RXFP1: variants seen among roughly 807,000 people sequenced by gnomAD.
The protein encoded by RXFP1 is relaxin family peptide receptor 1, also known as relaxin receptor 1.
A neutral mutation model predicts 89.8 loss-of-function variants in RXFP1; 73 were observed. The ratio of observed to expected loss-of-function variants is 0.81; its 90% CI spans 0.67 to 0.99. The LOEUF is 0.99. RXFP1 is among the 50% of genes least tolerant of loss of function. The probability of loss-of-function intolerance (pLI) is 0.00; values close to 1 mark genes in which losing one functional copy is unlikely to be tolerated. For missense variants in RXFP1, 793 were observed against 895.5 expected, an observed-to-expected ratio of 0.89 and a Z score of 1.46; for synonymous variants, 277 against 305.5, an observed-to-expected ratio of 0.91 and a Z score of 0.97.
chr4:158,548,139 T>G (rs1749027863), intron 1 of RXFP1, among the ~76,000 whole-genome samples: 1 of 152,240 alleles, frequency 6.6e-6, no homozygotes, highest in Non-Finnish European at 1.5e-5. Flanking sequence ...TGCTCCTGTA[T>G]TGGGTGCACA....
chr4:158,541,931 T>C (rs1269601270), intron 1 of RXFP1, among the ~76,000 whole-genome samples: 2 of 150,674 alleles, frequency 1.3e-5, no homozygotes, highest in East Asian at 3.9e-4. Flanking sequence ...TTTGTTTTTG[T>C]TTTTTTGAGA....
chr4:158,533,577 A>G (rs564522020), intron 1 of RXFP1, among the ~76,000 whole-genome samples: 2 of 152,356 alleles, frequency 1.3e-5, no homozygotes, highest in East Asian at 1.9e-4. Context: ...AGAAACTTCT[A>G]TAGGAGAATT....
intron 1 of RXFP1, among the ~76,000 whole-genome samples, chr4:158,541,380 A>ACACACACG (rs1248381072): frequency 4.3e-4 from 66 of 151,834 alleles, no homozygotes; most frequent in African/African-American, 1.4e-3. Flanking sequence ...ACACACACAC[A>ACACACACG]CAGTGTCCAG....
At chr4:158,550,985 A>C (rs752947477) in intron 1 of RXFP1, among the ~76,000 whole-genome samples, 21 of 151,368 alleles carry the variant, frequency 1.4e-4, no homozygotes, top group Non-Finnish European at 3.0e-4. Context: ...AACATGAAGA[A>C]AAAAAAAAGC....
chr4:158,532,077 T>C (rs142111689), intron 1 of RXFP1, among the ~76,000 whole-genome samples: 1,705 of 152,210 alleles, frequency 0.011, 16 homozygotes, highest in Non-Finnish European at 0.015. Flanking sequence ...TTTCAGAATT[T>C]TCCCCCCCTC....
At chr4:158,643,999 T>G (rs1225072518) in intron 14 of RXFP1, among the ~76,000 whole-genome samples, 1 of 151,450 alleles carries the variant, frequency 6.6e-6, no homozygotes. Flanking sequence ...ATTAGTGAGG[T>G]TGAACATTTT....
At chr4:158,558,977 T>C (rs1242902135) in intron 1 of RXFP1, among the ~76,000 whole-genome samples, 1 of 152,224 alleles carries the variant, frequency 6.6e-6, no homozygotes, top group Non-Finnish European at 1.5e-5. Context: ...CACTCTTCAT[T>C]TAAACAAAGC....
intron 12 of RXFP1, among the ~76,000 whole-genome samples, chr4:158,637,752 A>G (rs7659132): frequency 0.9 from 137,126 of 152,130 alleles, 63,447 homozygotes; most frequent in East Asian, 1. Context: ...AATCCCATTC[A>G]TCTATTTCAC....
intron 2 of RXFP1, among the ~76,000 whole-genome samples, chr4:158,584,918 T>C (rs1463132348): frequency 1.3e-5 from 2 of 152,180 alleles, no homozygotes; most frequent in African/African-American, 4.8e-5. Context: ...TTAGTCTAAA[T>C]CAGAAGTTTT....
At chr4:158,568,160 A>G (rs1302225565) in intron 1 of RXFP1, among the ~76,000 whole-genome samples, 1 of 152,130 alleles carries the variant, frequency 6.6e-6, no homozygotes, top group East Asian at 1.9e-4. Context: ...GAAGGAAGAA[A>G]CTCCAAACAA....
Position 158,564,861 on chromosome 4 carries a change from A to T in RXFP1, c.50-7837A>T, listed in dbSNP as rs191519059. Among the ~76,000 whole-genome samples, 5 of 152,300 alleles carry T rather than the reference A, an allele frequency of 3.3e-5. No homozygotes were observed. In the East Asian group the frequency reaches 9.6e-4, roughly 29 times the overall value. On this transcript the variant is annotated intron_variant, in intron 1 of 17. Coordinates refer to ENST00000307765, the MANE Select transcript of RXFP1 (RefSeq NM_021634.4). ...AAGATATGGTTCCATGCTAAAAAGG[A>T]AATGCTTTTTGTTTTTTACTTTCCC...
intron 2 of RXFP1, among the ~76,000 whole-genome samples, chr4:158,579,649 A>T (rs1756943924): frequency 6.6e-6 from 1 of 152,212 alleles, no homozygotes; most frequent in South Asian, 2.1e-4. Flanking sequence ...CAGTTTGTGG[A>T]GAAGGGCCAT....
At position 158,573,041 on chromosome 4, in the gene RXFP1, G is replaced by A. The variant is rs149758331; in HGVS notation, c.187+206G>A. The A allele has an allele frequency of 2.1e-3, 1,425 of 666,040 alleles. 13 individuals carry two copies. The African/African-American group carries it at 0.022, about 10-fold the overall frequency. 41.3% of individuals were successfully genotyped at this position (666,040 alleles called of 1,614,324 possible). ...TTGTTTTTTTTTGAGACGGAGTCTC[G>A]CTCTGTTGCCAGTCTGGAGTGCAGT... On this transcript the variant is annotated intron_variant, in intron 2 of 17. Coordinates refer to ENST00000307765, the MANE Select transcript of RXFP1 (RefSeq NM_021634.4).
At position 158,575,987 on chromosome 4, in the gene RXFP1, C is replaced by T. The variant is rs1756109829; in HGVS notation, c.187+3152C>T. Among the ~76,000 whole-genome samples the T allele has an allele frequency of 2.6e-5, 4 of 152,206 alleles. No homozygotes were observed. In the South Asian group the frequency reaches 8.3e-4, roughly 32 times the overall value. ...CTGGATTTTCTCAAGCACCTGCAGT[C>T]ATCTGTGGATCAGCTATGCCATGAT... is the stretch of plus-strand genomic sequence containing the variant. On this transcript the variant is annotated intron_variant, in intron 2 of 17. Coordinates refer to ENST00000307765, the MANE Select transcript of RXFP1 (RefSeq NM_021634.4).
At chr4:158,553,321 G>T (rs1257158442) in intron 1 of RXFP1, among the ~76,000 whole-genome samples, 1 of 152,136 alleles carries the variant, frequency 6.6e-6, no homozygotes, top group African/African-American at 2.4e-5. Flanking sequence ...GTTTTATTTT[G>T]TCCTGTTTTA....
Position 158,568,307 on chromosome 4 carries a change from A to G in RXFP1, c.50-4391A>G, listed in dbSNP as rs191117572. On this transcript the variant is annotated intron_variant, in intron 1 of 17. Coordinates refer to ENST00000307765, the MANE Select transcript of RXFP1 (RefSeq NM_021634.4). ...GACACAATACAATCATTGAGGAGCTATATCTGCCACTAAATATAAATTTTA... is the reference window on the plus strand; with the variant it reads ...GACACAATACAATCATTGAGGAGCTGTATCTGCCACTAAATATAAATTTTA... Among the ~76,000 whole-genome samples the G allele has an allele frequency of 1.4e-4, 22 of 152,380 alleles. 1 individual carries two copies. In the East Asian group the frequency reaches 4.2e-3, roughly 29 times the overall value.
rs530687587 is a variant in RXFP1 at position 158,646,872 on chromosome 4, C to T, written c.1427C>T (p.Ala476Val). Residue 476 changes from alanine (A) to valine (V), a missense_variant, in exon 16 of 18, where the codon GCG becomes GTG. Transcript: ENST00000307765. ...TTTCGTGGAGAATACAATAAGCATG[C>T]GCAGCTGTGGATGGAGAGTACTCAT... Reference protein sequence around the residue: ...LKFRGEYNKHAQLWMESTHCQ... With the variant: ...LKFRGEYNKHVQLWMESTHCQ... 29 of 1,614,014 alleles carry T rather than the reference C, an allele frequency of 1.8e-5. No individual in the cohort carries two copies. In the East Asian group the frequency reaches 2.9e-4, roughly 16 times the overall value.
chr4:158,617,002 A>T, intron 8 of RXFP1, 129 bp from the exon 9 acceptor site: 1 of 630,602 alleles, frequency 1.6e-6, no homozygotes, highest in South Asian at 2.6e-5. Context: ...AAAAAAAAAA[A>T]AATTAGAAGG....
chr4:158,581,812 A>C (rs1757413304), intron 2 of RXFP1, among the ~76,000 whole-genome samples: 1 of 152,166 alleles, frequency 6.6e-6, no homozygotes, highest in Non-Finnish European at 1.5e-5. Context: ...TTATGAAGAA[A>C]AGAGGTTTAT....
Sources: allele counts gnomAD v4.1 joint callset (sites outside exome capture counted in the v4.1 genomes callset), GRCh38; gene constraint gnomAD v4.1.1; transcripts MANE v1.5; gene names NCBI Gene and HGNC (gene_info 2026-07-23, HGNC 2026-07-21).